PRKCB: variants seen among roughly 807,000 people sequenced by gnomAD.
The protein encoded by PRKCB is protein kinase C beta.
Under a neutral mutation model 81.5 loss-of-function variants are expected in PRKCB, and 13 were observed. The ratio of observed to expected loss-of-function variants is 0.16; its 90% CI spans 0.10 to 0.25. PRKCB has a LOEUF of 0.25. Among genes scored for constraint, PRKCB ranks in the 10% least tolerant of loss-of-function variants. The pLI, the probability that PRKCB is intolerant of heterozygous loss-of-function variation, is 1.00. For missense variants in PRKCB, 509 were observed against 875.7 expected (o/e 0.58, Z 5.29); for synonymous variants, 335 against 321.4 (o/e 1.04, Z -0.45).
At chr16:23,881,565 T>A (rs546096448) in intron 2 of PRKCB, among the ~76,000 whole-genome samples, 20 of 152,240 alleles carry the variant, frequency 1.3e-4, no homozygotes, top group Admixed American at 8.5e-4. Flanking sequence ...TTCCCGTTTT[T>A]TAAAAAAATA....
At position 24,218,930 on chromosome 16, in the gene PRKCB, C is replaced by T; in HGVS notation, c.*4114C>T. 1 of 985,432 alleles carries T rather than the reference C, an allele frequency of 1.0e-6. No homozygotes were observed. The highest frequency in any genetic ancestry group is 1.2e-6 in the Non-Finnish European group (1 of 830,008). The allele number at this position is 985,432 out of a possible 1,614,324, so 61.0% of individuals were successfully genotyped here. ...TGTGGTCAGGTAAAAATCAGGAACC[C>T]ACTGAAATCTTGGGCAAGCCACCCT... On this transcript the variant is annotated 3_prime_UTR_variant, in exon 17 of 17. Coordinates refer to ENST00000643927, the MANE Select transcript of PRKCB (RefSeq NM_002738.7).
intron 9 of PRKCB, among the ~76,000 whole-genome samples, chr16:24,150,206 C>T (rs1483437509): frequency 6.6e-6 from 1 of 152,136 alleles, no homozygotes; most frequent in East Asian, 1.9e-4. Flanking sequence ...TGGTGGACGC[C>T]TGTAATCCCA....
intron 2 of PRKCB, among the ~76,000 whole-genome samples, chr16:23,900,098 G>A (rs923829603): frequency 3.3e-5 from 5 of 152,152 alleles, no homozygotes; most frequent in African/African-American, 1.2e-4. Flanking sequence ...ACAACTTGGG[G>A]TGGTGGGGGT....
At chr16:23,934,038 CAT>C in intron 2 of PRKCB, among the ~76,000 whole-genome samples, 1 of 151,836 alleles carries the variant, frequency 6.6e-6, no homozygotes. Flanking sequence ...TCCATCCATC[CAT>C]CCATCCATCC....
intron 10 of PRKCB, among the ~76,000 whole-genome samples, chr16:24,167,773 G>A (rs1967371077): frequency 6.6e-6 from 1 of 152,208 alleles, no homozygotes; most frequent in Non-Finnish European, 1.5e-5. Context: ...GAGGGGTTGA[G>A]AGTGTAGAGT....
chr16:23,990,600 G>T (rs1964873311), intron 3 of PRKCB, among the ~76,000 whole-genome samples: 1 of 150,104 alleles, frequency 6.7e-6, no homozygotes, highest in Non-Finnish European at 1.5e-5. Context: ...GCCAGAGTGT[G>T]GTGGCATGAT....
chr16:24,169,554 G>A (rs545227061), intron 10 of PRKCB, among the ~76,000 whole-genome samples: 4 of 151,978 alleles, frequency 2.6e-5, no homozygotes, highest in Admixed American at 1.3e-4. Flanking sequence ...CTGTTTCTCC[G>A]CCTGGTAAGC....
chr16:24,094,096 T>C, intron 6 of PRKCB, 67 bp from the exon 7 acceptor site: 1 of 1,543,016 alleles, frequency 6.5e-7, no homozygotes, highest in Non-Finnish European at 8.8e-7. Context: ...CTTGTCCTCT[T>C]GTACATTTAT....
At chr16:23,975,093 G>C (rs974880104) in intron 2 of PRKCB, among the ~76,000 whole-genome samples, 1 of 152,212 alleles carries the variant, frequency 6.6e-6, no homozygotes, top group Non-Finnish European at 1.5e-5. Flanking sequence ...ACGCTGGGCA[G>C]GCAAAGCCAA....
intron 3 of PRKCB, among the ~76,000 whole-genome samples, chr16:24,030,716 C>CAAAA (rs59739745): frequency 1.7e-4 from 22 of 131,404 alleles, no homozygotes; most frequent in African/African-American, 5.7e-4. Context: ...CCCCTCTCTA[C>CAAAA]AAAAAAAAAA....
At chr16:23,992,888 T>C (rs114087188) in intron 3 of PRKCB, among the ~76,000 whole-genome samples, 290 of 152,258 alleles carry the variant, frequency 1.9e-3, no homozygotes, top group African/African-American at 6.8e-3. Context: ...AGCCCCTAAA[T>C]TCTGACAAGT....
At chr16:23,862,524 C>T (rs1962687627) in intron 2 of PRKCB, among the ~76,000 whole-genome samples, 1 of 152,176 alleles carries the variant, frequency 6.6e-6, no homozygotes, top group Non-Finnish European at 1.5e-5. Context: ...AATGACCATT[C>T]CCTTCTTCCA....
At chr16:24,123,149 G>T (rs1490857804) in intron 8 of PRKCB, among the ~76,000 whole-genome samples, 1 of 152,218 alleles carries the variant, frequency 6.6e-6, no homozygotes, top group Non-Finnish European at 1.5e-5. Context: ...GGAGAACCTA[G>T]TGCAGACAGA....
chr16:23,991,626 C>G (rs1964886684), intron 3 of PRKCB, among the ~76,000 whole-genome samples: 1 of 152,130 alleles, frequency 6.6e-6, no homozygotes, highest in Admixed American at 6.5e-5. Flanking sequence ...ATAGAAAAGG[C>G]CTAAGGGTTG....
At chr16:23,874,111 GTA>G (rs1962956608) in intron 2 of PRKCB, among the ~76,000 whole-genome samples, 1 of 152,146 alleles carries the variant, frequency 6.6e-6, no homozygotes, top group South Asian at 2.1e-4. Flanking sequence ...TACTAAAATA[GTA>G]TTAGGCTAAA....
At chr16:23,866,717 G>C (rs1024897147) in intron 2 of PRKCB, among the ~76,000 whole-genome samples, 4 of 152,068 alleles carry the variant, frequency 2.6e-5, no homozygotes, top group African/African-American at 9.7e-5. Context: ...TTAGCCCTGG[G>C]GTATACACGA....
At chr16:24,073,961 T>C (rs1319215287) in intron 5 of PRKCB, among the ~76,000 whole-genome samples, 1 of 151,868 alleles carries the variant, frequency 6.6e-6, no homozygotes, top group Admixed American at 6.6e-5. Context: ...GCTAACATGG[T>C]GAAACCCCGA....
At chr16:23,888,673 C>T (rs747729187) in intron 2 of PRKCB, among the ~76,000 whole-genome samples, 3 of 147,890 alleles carry the variant, frequency 2.0e-5, no homozygotes, top group Non-Finnish European at 2.9e-5. Context: ...TCATGTTTCT[C>T]GACCACAACC....
intron 7 of PRKCB, chr16:24,110,944 A>T (rs1416992505): frequency 1.3e-5 from 2 of 152,244 alleles, no homozygotes; most frequent in Non-Finnish European, 2.9e-5. Flanking sequence ...ATTTATTATT[A>T]AAAAAGTAAA....
Sources: allele counts gnomAD v4.1 joint callset (sites outside exome capture counted in the v4.1 genomes callset), GRCh38; gene constraint gnomAD v4.1.1; transcripts MANE v1.5; gene names NCBI Gene and HGNC (gene_info 2026-07-23, HGNC 2026-07-21).